The following RPS6KC1 variants were observed in gnomAD, a reference collection of about 807,000 sequenced individuals.
The protein encoded by RPS6KC1 is inactive ribosomal protein S6 kinase delta-1.
A neutral mutation model predicts 103.8 loss-of-function variants in RPS6KC1; 54 were observed. The ratio of observed to expected loss-of-function variants is 0.52; its 90% CI spans 0.42 to 0.65. The LOEUF (loss-of-function observed/expected upper bound fraction) is 0.65. RPS6KC1 is among the 30% of genes least tolerant of loss of function. The pLI is 0.00. For missense variants in RPS6KC1, 1,151 were observed against 1,253.8 expected (o/e 0.92, Z 1.24); for synonymous variants, 439 against 438.7 (o/e 1.00, Z -0.01).
At chr1:213,727,074 C>G in the RPS6KC1 span, among the ~76,000 whole-genome samples, 1 of 152,180 alleles carries the variant, frequency 6.6e-6, no homozygotes, top group South Asian at 2.1e-4. Context: ...GAAGTGGGGC[C>G]CATCACTTCT....
the RPS6KC1 span, among the ~76,000 whole-genome samples, chr1:213,721,436 C>T: frequency 3.3e-5 from 5 of 152,270 alleles, no homozygotes; most frequent in African/African-American, 1.2e-4. Context: ...TAAGGGGAAA[C>T]CCCTTTTGTT....
the RPS6KC1 span, among the ~76,000 whole-genome samples, chr1:213,503,122 C>G: frequency 6.7e-6 from 1 of 149,440 alleles, no homozygotes; most frequent in African/African-American, 2.5e-5. Flanking sequence ...TTTTTTTTCT[C>G]TATGGCTGTT....
the RPS6KC1 span, among the ~76,000 whole-genome samples, chr1:213,315,394 C>T: frequency 4.6e-5 from 7 of 152,208 alleles, no homozygotes; most frequent in Non-Finnish European, 8.8e-5. Flanking sequence ...AAATGCCACA[C>T]ATTATATCAT....
chr1:213,829,699 C>G, the RPS6KC1 span, among the ~76,000 whole-genome samples: 1 of 152,132 alleles, frequency 6.6e-6, no homozygotes, highest in Non-Finnish European at 1.5e-5. Flanking sequence ...TATATTTTAA[C>G]AAAGGGAAGC....
chr1:213,470,190 G>A, the RPS6KC1 span, among the ~76,000 whole-genome samples: 1 of 152,206 alleles, frequency 6.6e-6, no homozygotes, highest in African/African-American at 2.4e-5. Flanking sequence ...ACACTTAGTT[G>A]ATATGGCTGA....
chr1:213,539,938 TA>T, the RPS6KC1 span, among the ~76,000 whole-genome samples: 14 of 152,156 alleles, frequency 9.2e-5, no homozygotes, highest in Non-Finnish European at 1.2e-4. Flanking sequence ...ATATTTTGTC[TA>T]AAAAAAGATG....
chr1:213,209,835 A>T (rs2093456597), intron 8 of RPS6KC1, among the ~76,000 whole-genome samples: 1 of 151,410 alleles, frequency 6.6e-6, no homozygotes, highest in Non-Finnish European at 1.5e-5. Context: ...GCTATTCGTG[A>T]GTTTTTTGGG....
the RPS6KC1 span, among the ~76,000 whole-genome samples, chr1:213,647,879 C>G: frequency 6.6e-6 from 1 of 152,044 alleles, no homozygotes; most frequent in African/African-American, 2.4e-5. Context: ...TATTTCATCC[C>G]TTTATAAGCA....
chr1:213,268,778 A>G (rs1423031215), intron 14 of RPS6KC1, among the ~76,000 whole-genome samples: 7 of 151,682 alleles, frequency 4.6e-5, no homozygotes, highest in African/African-American at 1.7e-4. Flanking sequence ...TAGATAAATG[A>G]TCTTATAAGA....
At chr1:213,836,881 A>G in the RPS6KC1 span, among the ~76,000 whole-genome samples, 7 of 152,308 alleles carry the variant, frequency 4.6e-5, no homozygotes, top group African/African-American at 1.7e-4. Context: ...GATTTCAGTC[A>G]CCAACCCCAA....
At chr1:213,794,965 A>G in the RPS6KC1 span, among the ~76,000 whole-genome samples, 1 of 152,234 alleles carries the variant, frequency 6.6e-6, no homozygotes, top group African/African-American at 2.4e-5. Flanking sequence ...TGAATCTTCC[A>G]GACCTCTAAA....
chr1:213,375,006 T>C, the RPS6KC1 span, among the ~76,000 whole-genome samples: 1 of 151,520 alleles, frequency 6.6e-6, no homozygotes, highest in Non-Finnish European at 1.5e-5. Flanking sequence ...CACACATACA[T>C]ACACACACAT....
the RPS6KC1 span, among the ~76,000 whole-genome samples, chr1:213,414,711 G>T: frequency 6.6e-6 from 1 of 150,992 alleles, no homozygotes; most frequent in Admixed American, 6.6e-5. Context: ...GGAGCCCTAG[G>T]AAACTGATGG....
At chr1:213,080,369 A>G (rs1332856085) in intron 3 of RPS6KC1, among the ~76,000 whole-genome samples, 1 of 152,126 alleles carries the variant, frequency 6.6e-6, no homozygotes, top group Non-Finnish European at 1.5e-5. Context: ...AGTGTGGACA[A>G]TATCATTTGT....
the RPS6KC1 span, among the ~76,000 whole-genome samples, chr1:213,833,361 A>G: frequency 6.6e-6 from 1 of 152,202 alleles, no homozygotes; most frequent in African/African-American, 2.4e-5. Flanking sequence ...GCCCAGTATT[A>G]TACCCTCATT....
chr1:213,195,559 A>G (rs1573181225), intron 8 of RPS6KC1, among the ~76,000 whole-genome samples: 1 of 152,174 alleles, frequency 6.6e-6, no homozygotes, highest in Admixed American at 6.5e-5. Flanking sequence ...TGCATCTATC[A>G]CCTGAGCATT....
the RPS6KC1 span, among the ~76,000 whole-genome samples, chr1:213,684,043 A>C: frequency 6.6e-6 from 1 of 152,204 alleles, no homozygotes; most frequent in East Asian, 1.9e-4. Context: ...GCTACATATT[A>C]GATTTTGCAT....
chr1:213,505,058 G>T, the RPS6KC1 span, among the ~76,000 whole-genome samples: 7 of 152,152 alleles, frequency 4.6e-5, no homozygotes, highest in African/African-American at 1.4e-4. Context: ...AAAGCCCAGT[G>T]TTTGTCACTT....
the RPS6KC1 span, among the ~76,000 whole-genome samples, chr1:213,725,834 T>C: frequency 7.9e-5 from 12 of 152,232 alleles, no homozygotes; most frequent in African/African-American, 1.2e-4. Context: ...TTCCTTATTT[T>C]AAAGGGTTCT....
Sources: allele counts gnomAD v4.1 joint callset (sites outside exome capture counted in the v4.1 genomes callset), GRCh38; gene constraint gnomAD v4.1.1; transcripts MANE v1.5; gene names NCBI Gene and HGNC (gene_info 2026-07-23, HGNC 2026-07-21).